TMCC1: variants seen among roughly 807,000 people sequenced by gnomAD.
TMCC1 encodes the protein transmembrane and coiled-coil domain family 1.
A neutral mutation model predicts 52.4 loss-of-function variants in TMCC1; 15 were observed. The ratio of observed to expected loss-of-function variants is 0.29; its 90% CI spans 0.19 to 0.44. The LOEUF (loss-of-function observed/expected upper bound fraction) is 0.44. TMCC1 is among the 20% of genes least tolerant of loss of function. The probability of loss-of-function intolerance (pLI) is 1.00; values close to 1 mark genes in which losing one functional copy is unlikely to be tolerated. For missense variants in TMCC1, 503 were observed against 806.0 expected, an observed-to-expected ratio of 0.62 and a Z score of 4.55; for synonymous variants, 279 against 301.9, an observed-to-expected ratio of 0.92 and a Z score of 0.79.
At chr3:129,854,398 G>A (rs73206271) in intron 2 of TMCC1, among the ~76,000 whole-genome samples, 102 of 146,676 alleles carry the variant, frequency 7.0e-4, no homozygotes, top group Non-Finnish European at 7.6e-4. Context: ...AAAAAAAAAA[G>A]AAAAAAAAAA....
chr3:129,892,524 T>C (rs756206378), intron 1 of TMCC1: 1 of 152,108 alleles, frequency 6.6e-6, no homozygotes, highest in African/African-American at 2.4e-5. Context: ...ATTTATGCCC[T>C]GGATTTTTTT....
intron 4 of TMCC1, among the ~76,000 whole-genome samples, chr3:129,737,709 C>A (rs1056771999): frequency 3.3e-5 from 5 of 152,114 alleles, no homozygotes; most frequent in African/African-American, 1.2e-4. Context: ...CAAACTAAGA[C>A]ACACACCCCA....
chr3:129,770,101 G>C (rs1356480857), intron 4 of TMCC1, among the ~76,000 whole-genome samples: 1 of 152,168 alleles, frequency 6.6e-6, no homozygotes, highest in East Asian at 1.9e-4. Context: ...GGAGAACACT[G>C]TCCTTGGGAA....
At chr3:129,688,690 G>C in intron 4 of TMCC1, 1 of 985,458 alleles carries the variant, frequency 1.0e-6, no homozygotes, top group Non-Finnish European at 1.2e-6. Context: ...AAGCATCCGT[G>C]TGTGTGCGCG....
chr3:129,724,537 G>T (rs1447946300), intron 4 of TMCC1, among the ~76,000 whole-genome samples: 2 of 152,116 alleles, frequency 1.3e-5, no homozygotes, highest in African/African-American at 4.8e-5. Flanking sequence ...ATACATTTTT[G>T]GTAATGGATA....
intron 4 of TMCC1, among the ~76,000 whole-genome samples, chr3:129,755,442 A>T (rs1261813520): frequency 1.3e-5 from 2 of 152,232 alleles, no homozygotes; most frequent in African/African-American, 4.8e-5. Context: ...AAGTGCTAAG[A>T]GAATGAAAAG....
At chr3:129,738,321 A>G (rs967486113) in intron 4 of TMCC1, among the ~76,000 whole-genome samples, 1 of 152,042 alleles carries the variant, frequency 6.6e-6, no homozygotes, top group Admixed American at 6.6e-5. Context: ...AGAGCTTTCA[A>G]TTTTCACTTT....
rs574855250 is a variant in TMCC1, at chr3:129,699,552, G to A, written c.577-28288C>T. On this transcript the variant is annotated intron_variant, in intron 4 of 6. Coordinates refer to ENST00000393238, the MANE Select transcript of TMCC1 (RefSeq NM_001017395.5). ...TAGTTGAATAGCTCAAGCCACTGCT[G>A]TCTATGGAGCGGCTATTCTTTTATT... Among the ~76,000 whole-genome samples the A allele has an allele frequency of 1.3e-4, 20 of 152,208 alleles. No homozygotes were observed. The South Asian group carries it at 1.5e-3, about 11-fold the overall frequency.
chr3:129,811,555 A>T (rs1438160973), intron 4 of TMCC1, among the ~76,000 whole-genome samples: 1 of 152,184 alleles, frequency 6.6e-6, no homozygotes, highest in Non-Finnish European at 1.5e-5. Context: ...GGCATGAGCC[A>T]CTGTGTCCAA....
intron 4 of TMCC1, among the ~76,000 whole-genome samples, chr3:129,684,407 C>T (rs190977250): frequency 5.3e-5 from 8 of 152,228 alleles, no homozygotes; most frequent in Admixed American, 3.3e-4. Flanking sequence ...ATGTAGGAGT[C>T]GGGGAGAGTG....
At chr3:129,868,825 C>T (rs1473832164) in intron 2 of TMCC1, 1 of 152,182 alleles carries the variant, frequency 6.6e-6, no homozygotes. Flanking sequence ...GACCCTATGG[C>T]TACAGAAAGA....
At chr3:129,877,699 G>A in intron 2 of TMCC1, among the ~76,000 whole-genome samples, 1 of 149,448 alleles carries the variant, frequency 6.7e-6, no homozygotes, top group East Asian at 2.0e-4. Flanking sequence ...CGCAATCTTG[G>A]CTCATTGCAA....
At chr3:129,752,997 GGATCTCATGA>G (rs2052672844) in intron 4 of TMCC1, among the ~76,000 whole-genome samples, 1 of 151,992 alleles carries the variant, frequency 6.6e-6, no homozygotes, top group Non-Finnish European at 1.5e-5. Context: ...TGAAACAACT[GGATCTCATGA>G]GAACTCTATT....
intron 2 of TMCC1, among the ~76,000 whole-genome samples, chr3:129,873,451 A>C (rs574412863): frequency 6.6e-6 from 1 of 152,042 alleles, no homozygotes; most frequent in East Asian, 1.9e-4. Context: ...GGAGGTGGAA[A>C]TGGGAGGATT....
intron 4 of TMCC1, among the ~76,000 whole-genome samples, chr3:129,751,562 G>C (rs2052528613): frequency 6.7e-6 from 1 of 149,446 alleles, no homozygotes; most frequent in African/African-American, 2.5e-5. Context: ...AAACACAATA[G>C]TATCTTTTTT....
intron 4 of TMCC1, among the ~76,000 whole-genome samples, chr3:129,684,464 G>A (rs1011495524): frequency 6.6e-6 from 1 of 152,112 alleles, no homozygotes. Flanking sequence ...ACTAGGCCTG[G>A]GGGCATTTCT....
intron 4 of TMCC1, among the ~76,000 whole-genome samples, chr3:129,812,075 C>T (rs1165440317): frequency 6.6e-6 from 1 of 151,930 alleles, no homozygotes; most frequent in East Asian, 1.9e-4. Flanking sequence ...GGCGTGGTGG[C>T]TCATGCCTAT....
chr3:129,849,689 C>T (rs534346817), intron 2 of TMCC1, among the ~76,000 whole-genome samples: 70 of 149,684 alleles, frequency 4.7e-4, no homozygotes, highest in Admixed American at 2.1e-3. Context: ...TGGCACGAAG[C>T]TGGGAGGCAG....
intron 2 of TMCC1, among the ~76,000 whole-genome samples, chr3:129,846,148 C>T (rs888779282): frequency 2.0e-5 from 3 of 151,920 alleles, no homozygotes; most frequent in South Asian, 2.1e-4. Context: ...AGCCAAAAGG[C>T]GTTGGGGGAA....
Sources: allele counts gnomAD v4.1 joint callset (sites outside exome capture counted in the v4.1 genomes callset), GRCh38; gene constraint gnomAD v4.1.1; transcripts MANE v1.5; gene names NCBI Gene and HGNC (gene_info 2026-07-23, HGNC 2026-07-21).